Variants in SMAD3 observed in about 807,000 individuals in gnomAD.
The protein encoded by SMAD3 is MAD homolog 3.
In SMAD3, 12 loss-of-function variants were observed where a neutral mutation model predicts 51.8. That is an observed-to-expected ratio of 0.23 (90% CI 0.15 to 0.38). The LOEUF (loss-of-function observed/expected upper bound fraction) is 0.38. SMAD3 is among the 10% of genes least tolerant of loss of function. The pLI, the probability that SMAD3 is intolerant of heterozygous loss-of-function variation, is 1.00. For missense variants in SMAD3, 294 were observed against 565.6 expected, an observed-to-expected ratio of 0.52 and a Z score of 4.87; for synonymous variants, 238 against 227.7, an observed-to-expected ratio of 1.05 and a Z score of -0.41.
At position 67,106,757 on chromosome 15, in the gene SMAD3, A is replaced by G. The variant is rs560016938; in HGVS notation, c.206+40397A>G. Among the ~76,000 whole-genome samples, 7 of 152,288 alleles carry G rather than the reference A, an allele frequency of 4.6e-5. No individual in the cohort carries two copies. The South Asian group carries it at 1.2e-3, about 27-fold the overall frequency. ...GCTCTCCGTTACCCGCGTGGTAGCC[A>G]CTGAGCACTGGCTCTTCCTGGCTTC... On this transcript the variant is annotated intron_variant, in intron 1 of 8. Coordinates refer to ENST00000327367, the MANE Select transcript of SMAD3 (RefSeq NM_005902.4).
rs562655713 is a variant in SMAD3, at chr15:67,102,977, G to A, written c.206+36617G>A. Among the ~76,000 whole-genome samples the A allele has an allele frequency of 7.9e-5, 12 of 152,188 alleles. No individual in the cohort carries two copies. In the East Asian group the frequency reaches 2.1e-3, roughly 27 times the overall value. On this transcript the variant is annotated intron_variant, in intron 1 of 8. Coordinates refer to ENST00000327367, the MANE Select transcript of SMAD3 (RefSeq NM_005902.4). Reference sequence around the variant, plus strand: ...CTTTCTTCTTTCAAACCCAAAACAGGTCCCATCTCCTTAGTCTTAACTGTC... The same window carrying A: ...CTTTCTTCTTTCAAACCCAAAACAGATCCCATCTCCTTAGTCTTAACTGTC...
chr15:67,150,822 TAAGAGAGCAAAGCTATTTCTCAGTC>T (rs1298714605), intron 1 of SMAD3, among the ~76,000 whole-genome samples: 80 of 126,284 alleles, frequency 6.3e-4, no homozygotes, highest in Middle Eastern at 4.5e-3. Context: ...TTTTTTTTAT[TAAGAGAGCAAAGCTATTTCTCAGTC>T]TTTTTTTTTT....
chr15:67,162,757 C>T (rs1433116377), intron 1 of SMAD3, among the ~76,000 whole-genome samples: 1 of 151,954 alleles, frequency 6.6e-6, no homozygotes, highest in African/African-American at 2.4e-5. Context: ...TCTGCTTGTA[C>T]TGCCCTTCTC....
intron 1 of SMAD3, among the ~76,000 whole-genome samples, chr15:67,079,267 C>G (rs186379411): frequency 1.3e-5 from 2 of 152,044 alleles, no homozygotes; most frequent in African/African-American, 4.8e-5. Context: ...TGTAAGCCAC[C>G]GCACCTCGCC....
chr15:67,142,197 A>ACCCCC (rs1230384756), intron 1 of SMAD3, among the ~76,000 whole-genome samples: 55 of 114,158 alleles, frequency 4.8e-4, no homozygotes, highest in Admixed American at 1.5e-3. Flanking sequence ...TCTCCTCCCC[A>ACCCCC]CACCCCCCCC....
Position 67,190,434 on chromosome 15 carries a change from C to A in SMAD3, c.1176C>A (p.Thr392=). 6.2e-7 allele frequency: 1 copy of A among 1,614,048 alleles called. No individual in the cohort carries two copies. The highest frequency in any genetic ancestry group is 8.5e-7 in the Non-Finnish European group (1 of 1,179,964). ...ACAGGAGACAGACTGTGACCAGTACCCCCTGCTGGATTGAGCTGCACCTGA... is the reference window on the plus strand; with the variant it reads ...ACAGGAGACAGACTGTGACCAGTACACCCTGCTGGATTGAGCTGCACCTGA... The part of the protein sequence containing the change: ...AEYRRQTVTS[T]PCWIELHLNG... The change falls in exon 9 of 9, where the codon ACC becomes ACA. Residue 392 remains threonine, a synonymous_variant. Coordinates refer to ENST00000327367, the MANE Select transcript of SMAD3 (RefSeq NM_005902.4).
chr15:67,066,403 G>T (rs375333766), intron 1 of SMAD3, 43 bp downstream of exon 1: 1 of 1,555,116 alleles, frequency 6.4e-7, no homozygotes, highest in Admixed American at 1.7e-5. Context: ...CGCCGGCCCA[G>T]CCCCCTGGCA....
intron 4 of SMAD3, among the ~76,000 whole-genome samples, chr15:67,168,601 G>C (rs1186286558): frequency 6.6e-6 from 1 of 152,224 alleles, no homozygotes; most frequent in Admixed American, 6.5e-5. Flanking sequence ...AGAGGGGCTG[G>C]AGATTGGAAA....
chr15:67,084,065 T>G (rs868651028), intron 1 of SMAD3, among the ~76,000 whole-genome samples: 3 of 129,534 alleles, frequency 2.3e-5, no homozygotes, highest in Admixed American at 9.1e-5. Flanking sequence ...ATTTTCTTTT[T>G]TTTTCTTTTT....
At chr15:67,155,532 C>T (rs949187706) in intron 1 of SMAD3, among the ~76,000 whole-genome samples, 5 of 152,080 alleles carry the variant, frequency 3.3e-5, no homozygotes, top group Admixed American at 6.5e-5. Context: ...CAAATGGAAC[C>T]GATGCAAGGA....
At chr15:67,101,217 A>G (rs934373888) in intron 1 of SMAD3, among the ~76,000 whole-genome samples, 16 of 152,336 alleles carry the variant, frequency 1.1e-4, no homozygotes, top group African/African-American at 3.8e-4. Flanking sequence ...GAGACTTGCC[A>G]TGTGACACTG....
At chr15:67,073,070 G>A (rs77745127) in intron 1 of SMAD3, among the ~76,000 whole-genome samples, 2,164 of 152,330 alleles carry the variant, frequency 0.014, 64 homozygotes, top group African/African-American at 0.05. Flanking sequence ...CTTTGGAGTT[G>A]TAAGAATGCT....
At chr15:67,118,202 C>T (rs1961178842) in intron 1 of SMAD3, among the ~76,000 whole-genome samples, 1 of 152,228 alleles carries the variant, frequency 6.6e-6, no homozygotes, top group Non-Finnish European at 1.5e-5. Flanking sequence ...GGAAGATAGG[C>T]ACGGAACAAG....
intron 1 of SMAD3, among the ~76,000 whole-genome samples, chr15:67,128,664 TG>T (rs1413082983): frequency 6.6e-6 from 1 of 152,142 alleles, no homozygotes; most frequent in Non-Finnish European, 1.5e-5. Flanking sequence ...CTCAAACCTC[TG>T]GGCTCAAGAG....
rs752904265 is a variant in SMAD3, at chr15:67,187,546, C to G, written c.1154+37C>G. The G allele has an allele frequency of 1.9e-6, 3 of 1,612,722 alleles. No individual in the cohort carries two copies. In the South Asian group the frequency reaches 3.3e-5, roughly 18 times the overall value. ...GTGCTGCCTACATCAGGGGACCCAA[C>G]TCCAGGTGACTCTGGACAGCAGAGC... On this transcript the variant is annotated intron_variant, in intron 8 of 8. Transcript: ENST00000327367.
intron 1 of SMAD3, chr15:67,138,136 T>G: frequency 6.7e-7 from 1 of 1,486,902 alleles, no homozygotes; most frequent in Non-Finnish European, 9.2e-7. Context: ...CTTTTCTCTT[T>G]CTTGAACTCG....
At chr15:67,151,413 A>G (rs1256262572) in intron 1 of SMAD3, among the ~76,000 whole-genome samples, 1 of 151,732 alleles carries the variant, frequency 6.6e-6, no homozygotes, top group African/African-American at 2.4e-5. Flanking sequence ...GCTCACTGCA[A>G]CCTCCACCTC....
Position 67,191,596 on chromosome 15 carries a change from C to T in SMAD3, c.*1060C>T, listed in dbSNP as rs1412361198. ...ACTGGGAAACCTGAGTGAGACCCAG[C>T]AACTGCTTCTCTCCCTTCTCTCTCC... On this transcript the variant is annotated 3_prime_UTR_variant, in exon 9 of 9. Coordinates refer to ENST00000327367, the MANE Select transcript of SMAD3 (RefSeq NM_005902.4). The T allele has an allele frequency of 4.3e-6, 1 of 233,148 alleles. No individual in the cohort carries two copies. The highest frequency in any genetic ancestry group is 8.5e-6 in the Non-Finnish European group (1 of 117,966). 14.4% of individuals were successfully genotyped at this position (233,148 alleles called of 1,614,324 possible). A position where few individuals can be genotyped will look rare whatever the true frequency, so the allele number is the denominator to read the frequency against.
chr15:67,076,154 A>G (rs953187347), intron 1 of SMAD3, among the ~76,000 whole-genome samples: 2 of 152,174 alleles, frequency 1.3e-5, no homozygotes, highest in Non-Finnish European at 1.5e-5. Flanking sequence ...TTCAACACAC[A>G]CAGAGAACAT....
Sources: allele counts gnomAD v4.1 joint callset (sites outside exome capture counted in the v4.1 genomes callset), GRCh38; gene constraint gnomAD v4.1.1; transcripts MANE v1.5; gene names NCBI Gene and HGNC (gene_info 2026-07-23, HGNC 2026-07-21).